Variants in SPRED2 observed in about 807,000 individuals in gnomAD.
SPRED2 encodes sprouty-related, EVH1 domain-containing protein 2.
SPRED2 carries 47 observed loss-of-function variants against 43.0 expected under a neutral mutation model. The observed-to-expected ratio is 1.09, with a 90% CI of 0.87 to 1.40. The LOEUF (loss-of-function observed/expected upper bound fraction) is 1.40. Ranked by LOEUF, SPRED2 falls within the 40% of genes most tolerant of loss-of-function variation. SPRED2 has a pLI of 0.00. For synonymous variants in SPRED2, 225 were observed against 225.7 expected (o/e 1.00, Z 0.03); for missense variants, 561 against 586.4 (o/e 0.96, Z 0.45).
chr2:65,427,058 T>C (rs1218196312), intron 1 of SPRED2, among the ~76,000 whole-genome samples: 1 of 152,038 alleles, frequency 6.6e-6, no homozygotes, highest in Non-Finnish European at 1.5e-5. Flanking sequence ...GTTTTTTTTG[T>C]TTTTTCTTAC....
chr2:65,410,274 T>C (rs571034727), intron 1 of SPRED2, among the ~76,000 whole-genome samples: 1 of 152,252 alleles, frequency 6.6e-6, no homozygotes, highest in African/African-American at 2.4e-5. Flanking sequence ...AAATCCTTCA[T>C]GTGCAGGTGT....
chr2:65,354,971 C>T (rs144835266), intron 1 of SPRED2, among the ~76,000 whole-genome samples: 52 of 152,240 alleles, frequency 3.4e-4, no homozygotes, highest in Middle Eastern at 3.4e-3. Flanking sequence ...ATGCACCTGG[C>T]CCAGGAGAAG....
intron 3 of SPRED2, chr2:65,334,377 GTC>G: frequency 3.2e-6 from 2 of 622,398 alleles, no homozygotes; most frequent in Non-Finnish European, 6.0e-6. Flanking sequence ...TCACAGCAGA[GTC>G]TAAAAATCAA....
At chr2:65,397,305 C>G (rs968505164) in intron 1 of SPRED2, among the ~76,000 whole-genome samples, 19 of 152,180 alleles carry the variant, frequency 1.2e-4, no homozygotes, top group African/African-American at 4.3e-4. Context: ...AAGTTAGCCA[C>G]AGACAGCGCC....
Position 65,334,634 on chromosome 2 carries a change from A to C in SPRED2, c.344T>G (p.Val115Gly). The C allele has an allele frequency of 6.2e-7, 1 of 1,614,138 alleles. No individual in the cohort carries two copies. The highest frequency in any genetic ancestry group is 8.5e-7 in the Non-Finnish European group (1 of 1,180,016). Residue 115 changes from valine to glycine, a missense_variant, in exon 3 of 6, where the codon GTA becomes GGA. Coordinates refer to ENST00000356388, the MANE Select transcript of SPRED2 (RefSeq NM_181784.3). ...PADARAFDRG[V>G]RKAIEDLIEG... The stretch of plus-strand genomic sequence containing the variant: ...TATAAGGTCTTCGATTGCTTTCCTT[A>C]CTCCCCTGTCAAAGGCTCGGGCATC...
At chr2:65,373,771 G>A (rs1356038867) in intron 1 of SPRED2, 1 of 152,096 alleles carries the variant, frequency 6.6e-6, no homozygotes, top group African/African-American at 2.4e-5. Flanking sequence ...TTTGGCACAT[G>A]GTAAACCCAC....
At chr2:65,329,820 C>T (rs1673754172) in intron 4 of SPRED2, among the ~76,000 whole-genome samples, 1 of 152,188 alleles carries the variant, frequency 6.6e-6, no homozygotes, top group Non-Finnish European at 1.5e-5. Context: ...TTGAGAGGAT[C>T]TGCTCGGAGC....
chr2:65,327,618 A>G (rs1021877853), intron 4 of SPRED2, among the ~76,000 whole-genome samples: 10 of 152,002 alleles, frequency 6.6e-5, no homozygotes, highest in African/African-American at 2.2e-4. Context: ...TTGGGTCTCA[A>G]TCAGCAGTAG....
intron 1 of SPRED2, among the ~76,000 whole-genome samples, chr2:65,422,599 C>T (rs985072712): frequency 1.1e-4 from 17 of 152,154 alleles, no homozygotes; most frequent in African/African-American, 3.9e-4. Context: ...CAATAATTTA[C>T]ACATAATTTT....
At chr2:65,375,325 T>C (rs1675215627) in intron 1 of SPRED2, among the ~76,000 whole-genome samples, 1 of 152,230 alleles carries the variant, frequency 6.6e-6, no homozygotes, top group Admixed American at 6.5e-5. Flanking sequence ...CGGTCTCAGG[T>C]AGCTGTGACC....
intron 3 of SPRED2, among the ~76,000 whole-genome samples, chr2:65,333,358 C>A (rs535351695): frequency 2.6e-5 from 4 of 151,474 alleles, no homozygotes; most frequent in African/African-American, 4.9e-5. Context: ...AAATTTCCAA[C>A]GAGAGACTGC....
At chr2:65,325,803 A>G (rs1437477143) in intron 4 of SPRED2, among the ~76,000 whole-genome samples, 1 of 152,162 alleles carries the variant, frequency 6.6e-6, no homozygotes, top group African/African-American at 2.4e-5. Flanking sequence ...TTGTATACAA[A>G]ATAGAAAATA....
In SPRED2 at chr2:65,323,006, A is replaced by AT. The variant is rs1673476944; in HGVS notation, c.439-6124dup. Among the ~76,000 whole-genome samples the AT allele has an allele frequency of 2.0e-5, 3 of 151,928 alleles. No individual in the cohort carries two copies. In the South Asian group the frequency reaches 6.2e-4, roughly 32 times the overall value. ...AATATGTGATGTGATTTATTTATTT[A>AT]TTTTTTGAGACAGAGTCTCGCTCTG... On this transcript the variant is annotated intron_variant, in intron 4 of 5. Transcript: ENST00000356388.
intron 1 of SPRED2, among the ~76,000 whole-genome samples, chr2:65,381,893 T>G (rs1344162879): frequency 6.6e-6 from 1 of 152,190 alleles, no homozygotes; most frequent in Non-Finnish European, 1.5e-5. Context: ...CACACACACC[T>G]TTTTCCTAAA....
chr2:65,307,549 CAA>C (rs55812957), downstream of SPRED2, among the ~76,000 whole-genome samples: 186 of 104,102 alleles, frequency 1.8e-3, no homozygotes, highest in East Asian at 0.012. Context: ...AACCCCTTCT[CAA>C]AAAAAAAAAA....
rs1673065118 is a variant in SPRED2 at position 65,311,452 on chromosome 2, G to A, written c.*2049C>T. 1.0e-6 allele frequency: 1 copy of A among 985,832 alleles called. No homozygotes were observed. The highest frequency in any genetic ancestry group is 1.7e-5 in the African/African-American group (1 of 57,342). 61.1% of individuals were successfully genotyped at this position (985,832 alleles called of 1,614,324 possible). On this transcript the variant is annotated 3_prime_UTR_variant, in exon 6 of 6. Coordinates refer to ENST00000356388, the MANE Select transcript of SPRED2 (RefSeq NM_181784.3). ...CAAACAAAAAACAGCTGGGATATGT[G>A]CGTTCTTATTGAAATAAATAGGGGC... is the stretch of plus-strand genomic sequence containing the variant.
intron 1 of SPRED2, among the ~76,000 whole-genome samples, chr2:65,393,326 C>CTTTTTTTTTTT (rs55696467): frequency 7.1e-6 from 1 of 141,692 alleles, no homozygotes. Context: ...AATCATAAGG[C>CTTTTTTTTTTT]TTTTTTTTTT....
At chr2:65,364,931 A>G (rs1165716539) in intron 1 of SPRED2, among the ~76,000 whole-genome samples, 1 of 152,180 alleles carries the variant, frequency 6.6e-6, no homozygotes, top group African/African-American at 2.4e-5. Flanking sequence ...ATAAGAAAAA[A>G]CCCCGTTTAC....
intron 1 of SPRED2, among the ~76,000 whole-genome samples, chr2:65,390,875 A>G (rs1198894018): frequency 6.6e-6 from 1 of 152,108 alleles, no homozygotes; most frequent in Non-Finnish European, 1.5e-5. Context: ...ACTTGAGCTC[A>G]GGAGTTTGAG....
Sources: allele counts gnomAD v4.1 joint callset (sites outside exome capture counted in the v4.1 genomes callset), GRCh38; gene constraint gnomAD v4.1.1; transcripts MANE v1.5; gene names NCBI Gene and HGNC (gene_info 2026-07-23, HGNC 2026-07-21).